The following ACKR2 variants were observed in gnomAD, a reference collection of about 807,000 sequenced individuals.
ACKR2 encodes the protein atypical chemokine receptor 2, also known as C-C chemokine receptor D6.
For synonymous variants in ACKR2, 207 were observed against 192.2 expected (o/e 1.08, Z -0.64); for missense variants, 457 against 477.3 (o/e 0.96, Z 0.40).
At chr3:42,860,612 G>A (rs2088375817) in intron 2 of ACKR2, among the ~76,000 whole-genome samples, 1 of 152,198 alleles carries the variant, frequency 6.6e-6, no homozygotes, top group Non-Finnish European at 1.5e-5. Context: ...ATAATTGGAA[G>A]TAAAACAGTC....
chr3:42,849,051 G>A (rs1371204350), intron 2 of ACKR2, among the ~76,000 whole-genome samples: 2 of 152,194 alleles, frequency 1.3e-5, no homozygotes, highest in African/African-American at 4.8e-5. Flanking sequence ...AGAACCAAGC[G>A]CATTCTGGTT....
At position 42,865,263 on chromosome 3, in the gene ACKR2, C is replaced by T. The variant is rs764033388; in HGVS notation, c.761C>T (p.Ala254Val). Residue 254 changes from alanine (A) to valine (V), a missense_variant, in exon 3 of 3, where the codon GCC (alanine) becomes GTC (valine). By Grantham distance (64) the Ala-to-Val change is moderately conservative. Coordinates refer to ENST00000422265, the MANE Select transcript of ACKR2 (RefSeq NM_001296.5). ...GGCCGGGCTTTAAAAATAGCTGCAG[C>T]CTTGGTGGTGGCCTTCTTCGTGCTA... The part of the protein sequence containing the change: ...GQGRALKIAA[A>V]LVVAFFVLWF... 6.2e-7 allele frequency: 1 copy of T among 1,614,188 alleles called. No homozygotes were observed. Among genetic ancestry groups the T allele is most frequent in the Middle Eastern group, 1.6e-4 (1 of 6,062 alleles).
intron 2 of ACKR2, among the ~76,000 whole-genome samples, chr3:42,850,045 G>A (rs185483534): frequency 1.3e-5 from 2 of 152,094 alleles, no homozygotes; most frequent in Admixed American, 6.5e-5. Flanking sequence ...GTACAAAAGG[G>A]GGGAGGTGAG....
At chr3:42,812,680 C>CTTTTTTTTTTTTTT (rs71616070) in intron 1 of ACKR2, among the ~76,000 whole-genome samples, 18 of 72,754 alleles carry the variant, frequency 2.5e-4, no homozygotes, top group Non-Finnish European at 3.1e-4. Flanking sequence ...AATTTTCAGC[C>CTTTTTTTTTTTTTT]TTTTTTTTTT....
intron 2 of ACKR2, among the ~76,000 whole-genome samples, chr3:42,825,865 GT>G (rs71072740): frequency 5.4e-4 from 73 of 134,688 alleles, no homozygotes; most frequent in South Asian, 4.6e-4. Flanking sequence ...TTTTTTTTTT[GT>G]TTTTTTTTTT....
At chr3:42,848,662 A>G (rs1701122736) in intron 2 of ACKR2, among the ~76,000 whole-genome samples, 1 of 152,232 alleles carries the variant, frequency 6.6e-6, no homozygotes, top group African/African-American at 2.4e-5. Context: ...AAATTAGTGG[A>G]CAAAAGCATG....
chr3:42,817,444 C>T lies in ACKR2; in HGVS notation c.-118-2187C>T, dbSNP rs186390048. Among the ~76,000 whole-genome samples the T allele has an allele frequency of 6.6e-5, 10 of 152,212 alleles. No homozygotes were observed. The East Asian group carries it at 9.7e-4, about 15-fold the overall frequency. On this transcript the variant is annotated intron_variant, in intron 1 of 2. Coordinates refer to ENST00000422265, the MANE Select transcript of ACKR2 (RefSeq NM_001296.5). ...TTACCCTACCTGCGTCTCCATCAGT[C>T]GTTTCTTCTGGTTTTGGGTACCCTC...
At chr3:42,828,101 T>TTTTTTC (rs1381735003) in intron 2 of ACKR2, among the ~76,000 whole-genome samples, 26 of 144,652 alleles carry the variant, frequency 1.8e-4, no homozygotes, top group South Asian at 4.4e-4. Context: ...TATTTTTTTT[T>TTTTTTC]TTTTCTTTTC....
Position 42,861,673 on chromosome 3 carries a change from A to G in ACKR2, c.-37-2793A>G, listed in dbSNP as rs577637097. 2.6e-5 allele frequency among the ~76,000 whole-genome samples: 4 copies of G among 152,356 alleles called. No homozygotes were observed. The South Asian group carries it at 8.3e-4, about 32-fold the overall frequency. ...TCAAAAAGCTTATCTACCACCATCAAGTCGGCCTCATCCCTGGGATGCAAG... is the reference window on the plus strand; with the variant it reads ...TCAAAAAGCTTATCTACCACCATCAGGTCGGCCTCATCCCTGGGATGCAAG... On this transcript the variant is annotated intron_variant, in intron 2 of 2. Coordinates refer to ENST00000422265, the MANE Select transcript of ACKR2 (RefSeq NM_001296.5).
At chr3:42,824,510 C>T (rs1700842385) in intron 2 of ACKR2, among the ~76,000 whole-genome samples, 1 of 152,228 alleles carries the variant, frequency 6.6e-6, no homozygotes, top group Non-Finnish European at 1.5e-5. Flanking sequence ...TCACTTCCAT[C>T]TCCACACCTT....
At position 42,860,189 on chromosome 3, in the gene ACKR2, A is replaced by AAAAAAAAAAAAAAAAAAAAAAAAAC. The variant is rs376833790; in HGVS notation, c.-37-4277_-37-4276insAAAAAAAAAAAAAAAAAAAAAAAAC. Among the ~76,000 whole-genome samples the AAAAAAAAAAAAAAAAAAAAAAAAAC allele has an allele frequency of 1.4e-4, 16 of 111,520 alleles. 3 individuals carry two copies. Among genetic ancestry groups the AAAAAAAAAAAAAAAAAAAAAAAAAC allele is most frequent in the Admixed American group, 2.7e-4 (2 of 7,434 alleles). The allele number at this position is 111,520 out of a possible 152,430, so 73.2% of individuals were successfully genotyped here. On this transcript the variant is annotated intron_variant, in intron 2 of 2. Coordinates refer to ENST00000422265, the MANE Select transcript of ACKR2 (RefSeq NM_001296.5). ...CAAAAAAAAAAAAAAAAAAAAAAAA[A>AAAAAAAAAAAAAAAAAAAAAAAAAC]GCAGGGGATGCAATCCTAGTCTCTG... is the stretch of plus-strand genomic sequence containing the variant.
intron 1 of ACKR2, among the ~76,000 whole-genome samples, chr3:42,819,065 C>T (rs1700782893): frequency 6.6e-6 from 1 of 152,124 alleles, no homozygotes; most frequent in Non-Finnish European, 1.5e-5. Context: ...TCTCCTGCCT[C>T]TTTTACTTGT....
chr3:42,854,855 CTTTTTTTT>C (rs1207262721), intron 2 of ACKR2, among the ~76,000 whole-genome samples: 1 of 133,864 alleles, frequency 7.5e-6, no homozygotes, highest in African/African-American at 2.7e-5. Context: ...TCATACCTTT[CTTTTTTTT>C]TTTTTTTTTT....
chr3:42,854,873 T>G (rs1309862861), intron 2 of ACKR2, among the ~76,000 whole-genome samples: 1 of 150,298 alleles, frequency 6.7e-6, no homozygotes, highest in African/African-American at 2.4e-5. Flanking sequence ...TTTTTTTTTT[T>G]GAGATGGAGT....
chr3:42,848,213 ATT>A (rs36054454), intron 2 of ACKR2, among the ~76,000 whole-genome samples: 297 of 74,900 alleles, frequency 4.0e-3, no homozygotes, highest in African/African-American at 0.01. Context: ...AAAAAAAAAA[ATT>A]TTTTTTTTTT....
intron 2 of ACKR2, among the ~76,000 whole-genome samples, chr3:42,834,264 T>C (rs13068402): frequency 0.27 from 41,136 of 152,208 alleles, 7,219 homozygotes; most frequent in East Asian, 0.6. Context: ...AGCCACATTA[T>C]CATTATTATA....
intron 1 of ACKR2, among the ~76,000 whole-genome samples, chr3:42,814,965 G>C (rs1418681902): frequency 1.3e-5 from 2 of 152,184 alleles, no homozygotes; most frequent in African/African-American, 4.8e-5. Flanking sequence ...AAGAATAGAG[G>C]CAGACTCTGG....
chr3:42,858,291 C>T (rs964685806), intron 2 of ACKR2, among the ~76,000 whole-genome samples: 2 of 152,126 alleles, frequency 1.3e-5, no homozygotes, highest in Admixed American at 6.6e-5. Context: ...TAGCATCTGG[C>T]GGTGCCCCTC....
In ACKR2 at chr3:42,833,416, G is replaced by A. The variant is rs141023042; in HGVS notation, c.-38+13705G>A. Among the ~76,000 whole-genome samples the A allele has an allele frequency of 7.5e-4, 114 of 152,136 alleles. No individual in the cohort carries two copies. The East Asian group carries it at 0.02, about 27-fold the overall frequency. The stretch of plus-strand genomic sequence containing the variant: ...GGTTTTGGGGGAACAGATAGTGTTT[G>A]ATTACATGCATAAGTTCTTTAGTGG... On this transcript the variant is annotated intron_variant, in intron 2 of 2. Coordinates refer to ENST00000422265, the MANE Select transcript of ACKR2 (RefSeq NM_001296.5).
Sources: allele counts gnomAD v4.1 joint callset (sites outside exome capture counted in the v4.1 genomes callset), GRCh38; gene constraint gnomAD v4.1.1; transcripts MANE v1.5; gene names NCBI Gene and HGNC (gene_info 2026-07-23, HGNC 2026-07-21).